The following SYN3 variants were observed in gnomAD, a reference collection of about 807,000 sequenced individuals.
SYN3 encodes the protein synapsin III.
SYN3 carries 35 observed loss-of-function variants against 65.8 expected under a neutral mutation model. The ratio of observed to expected loss-of-function variants is 0.53; its 90% CI spans 0.41 to 0.70. SYN3 has a LOEUF of 0.70. Ranked by LOEUF, SYN3 falls within the 30% of genes least tolerant of loss-of-function variation. The pLI, the probability that SYN3 is intolerant of heterozygous loss-of-function variation, is 0.00. For synonymous variants in SYN3, 270 were observed against 292.9 expected, an observed-to-expected ratio of 0.92 and a Z score of 0.80; for missense variants, 680 against 749.0, an observed-to-expected ratio of 0.91 and a Z score of 1.08.
chr22:32,812,559 G>T (rs1382830329), intron 6 of SYN3, among the ~76,000 whole-genome samples: 1 of 152,168 alleles, frequency 6.6e-6, no homozygotes, highest in Non-Finnish European at 1.5e-5. Context: ...TGATAGACAA[G>T]AAATGGGATT....
At chr22:33,004,455 T>C (rs1000008344) in intron 2 of SYN3, among the ~76,000 whole-genome samples, 4 of 152,252 alleles carry the variant, frequency 2.6e-5, no homozygotes, top group African/African-American at 9.6e-5. Context: ...AGGAGATTAT[T>C]TCAGAGCTTT....
chr22:32,901,920 A>T (rs1259284722), intron 4 of SYN3, among the ~76,000 whole-genome samples: 1 of 152,212 alleles, frequency 6.6e-6, no homozygotes, highest in African/African-American at 2.4e-5. Context: ...GAAGGGGAGG[A>T]CAGCCCAGCT....
intron 3 of SYN3, among the ~76,000 whole-genome samples, chr22:32,956,745 G>A (rs985840394): frequency 2.0e-5 from 3 of 152,180 alleles, no homozygotes; most frequent in African/African-American, 7.2e-5. Context: ...GAACATGGGT[G>A]TACAAATATC....
chr22:32,747,314 A>G (rs926079152), intron 6 of SYN3, among the ~76,000 whole-genome samples: 1 of 151,908 alleles, frequency 6.6e-6, no homozygotes, highest in Non-Finnish European at 1.5e-5. Context: ...CAAAAACAAA[A>G]CAAAACAAAA....
intron 6 of SYN3, among the ~76,000 whole-genome samples, chr22:32,755,436 G>T (rs2045260577): frequency 6.6e-6 from 1 of 152,142 alleles, no homozygotes; most frequent in Admixed American, 6.5e-5. Context: ...ACCTAATTCT[G>T]GTCCAAGGGG....
chr22:32,741,461 T>C (rs1602032041), intron 6 of SYN3, among the ~76,000 whole-genome samples: 1 of 148,366 alleles, frequency 6.7e-6, no homozygotes, highest in African/African-American at 2.5e-5. Context: ...GTTCACACCA[T>C]TCTCCTGCCT....
intron 3 of SYN3, among the ~76,000 whole-genome samples, chr22:32,936,948 G>A (rs2050792309): frequency 6.6e-6 from 1 of 151,776 alleles, no homozygotes; most frequent in African/African-American, 2.4e-5. Context: ...TTAAAACCAA[G>A]TCTTGAATGG....
At chr22:32,886,476 C>T (rs1010119508) in intron 4 of SYN3, among the ~76,000 whole-genome samples, 12 of 151,990 alleles carry the variant, frequency 7.9e-5, no homozygotes, top group Admixed American at 2.0e-4. Flanking sequence ...GTTTCCTCAT[C>T]GGTAAAAAGG....
At chr22:32,862,262 T>G (rs1239595882) in intron 6 of SYN3, 1 of 152,276 alleles carries the variant, frequency 6.6e-6, no homozygotes, top group Non-Finnish European at 1.5e-5. Flanking sequence ...CGCTTCCTCC[T>G]TTGGGCATCT....
intron 6 of SYN3, among the ~76,000 whole-genome samples, chr22:32,643,665 A>G (rs968706674): frequency 4.0e-5 from 6 of 151,568 alleles, no homozygotes; most frequent in Non-Finnish European, 2.9e-5. Flanking sequence ...AAATCTCAAT[A>G]TTTCAAACCT....
chr22:32,976,994 TGG>T (rs133920), intron 3 of SYN3, among the ~76,000 whole-genome samples: 2,702 of 148,886 alleles, frequency 0.018, 86 homozygotes, highest in African/African-American at 0.063. Context: ...GTGAGATTCC[TGG>T]GGGGGGGGTT....
intron 6 of SYN3, among the ~76,000 whole-genome samples, chr22:32,814,793 G>A (rs2047043616): frequency 6.6e-6 from 1 of 152,050 alleles, no homozygotes; most frequent in Non-Finnish European, 1.5e-5. Flanking sequence ...GAGACAGAAA[G>A]GGAAAAAAAC....
intron 7 of SYN3, among the ~76,000 whole-genome samples, chr22:32,565,198 C>G (rs144509183): frequency 0.035 from 5,369 of 152,224 alleles, 136 homozygotes; most frequent in Middle Eastern, 0.082. Flanking sequence ...TGCTCTCGGA[C>G]TGCACCTAAA....
intron 6 of SYN3, among the ~76,000 whole-genome samples, chr22:32,765,005 G>T (rs1252618869): frequency 6.6e-6 from 1 of 151,686 alleles, no homozygotes; most frequent in Non-Finnish European, 1.5e-5. Flanking sequence ...TCCTTCCAGG[G>T]CCCCATCCTG....
At chr22:32,616,266 A>G (rs2059518771) in intron 6 of SYN3, among the ~76,000 whole-genome samples, 1 of 152,032 alleles carries the variant, frequency 6.6e-6, no homozygotes, top group East Asian at 1.9e-4. Flanking sequence ...ATGGTCCTTT[A>G]CTGCAGGCTC....
At chr22:32,858,232 C>A in intron 6 of SYN3, 2 of 1,560,196 alleles carry the variant, frequency 1.3e-6, no homozygotes, top group Non-Finnish European at 8.7e-7. Flanking sequence ...AGGCCCTCGG[C>A]TGGGAAGGGT....
intron 3 of SYN3, among the ~76,000 whole-genome samples, chr22:32,931,748 T>C (rs1322267960): frequency 1.3e-5 from 2 of 152,244 alleles, no homozygotes; most frequent in East Asian, 1.9e-4. Flanking sequence ...GGACCTATGC[T>C]TTTAATCCTT....
chr22:33,039,466 C>G (rs2145927979), intron 1 of SYN3, among the ~76,000 whole-genome samples: 1 of 151,632 alleles, frequency 6.6e-6, no homozygotes, highest in Non-Finnish European at 1.5e-5. Context: ...ACCTCCGCCT[C>G]CTGGGTTCAA....
chr22:32,766,171 G>C (rs942690632), intron 6 of SYN3, among the ~76,000 whole-genome samples: 1 of 152,198 alleles, frequency 6.6e-6, no homozygotes, highest in Non-Finnish European at 1.5e-5. Flanking sequence ...GTGAGATATA[G>C]AGCCTTTGGA....
Sources: gnomAD v4.1 joint callset for allele counts (sites outside exome capture counted in the v4.1 genomes callset) on GRCh38, gnomAD v4.1.1 for gene constraint, MANE v1.5 for transcripts, NCBI Gene and HGNC (gene_info 2026-07-23, HGNC 2026-07-21) for gene names.